HCN1: variants seen among roughly 807,000 people sequenced by gnomAD.
HCN1 encodes the protein hyperpolarization activated cyclic nucleotide gated potassium channel 1.
In HCN1, 13 loss-of-function variants were observed where a neutral mutation model predicts 78.9. The ratio of observed to expected loss-of-function variants is 0.16; its 90% confidence interval spans 0.11 to 0.26. HCN1 has a LOEUF of 0.26. Ranked by LOEUF, HCN1 falls within the 10% of genes least tolerant of loss-of-function variation. The pLI, the probability that HCN1 is intolerant of heterozygous loss-of-function variation, is 1.00. For missense variants in HCN1, 810 were observed against 1,154.3 expected (o/e 0.70, Z 4.32); for synonymous variants, 552 against 455.5 (o/e 1.21, Z -2.70).
rs1286170621 is a variant in HCN1 at position 45,384,250 on chromosome 5, C to T, written c.1230+12242G>A. On this transcript the variant is annotated intron_variant, in intron 4 of 7. Coordinates refer to ENST00000303230, the MANE Select transcript of HCN1 (RefSeq NM_021072.4). ...CATTTCCTTTCAAGTAGATAAAAGCCTTGTGATAGATGAATGTAATAAGAT... is the reference window on the plus strand; with the variant it reads ...CATTTCCTTTCAAGTAGATAAAAGCTTTGTGATAGATGAATGTAATAAGAT... Among the ~76,000 whole-genome samples the T allele has an allele frequency of 2.6e-5, 4 of 152,002 alleles. No individual in the cohort carries two copies. The East Asian group carries it at 5.8e-4, about 22-fold the overall frequency.
intron 2 of HCN1, among the ~76,000 whole-genome samples, chr5:45,468,685 A>T (rs891034164): frequency 6.6e-6 from 1 of 152,080 alleles, no homozygotes; most frequent in Non-Finnish European, 1.5e-5. Context: ...GTCTGAGAAT[A>T]ATCAGAGATA....
intron 5 of HCN1, among the ~76,000 whole-genome samples, chr5:45,316,043 G>C (rs2111926313): frequency 6.6e-6 from 1 of 152,274 alleles, no homozygotes; most frequent in East Asian, 1.9e-4. Flanking sequence ...GATAAAGAGG[G>C]AATCCTACCT....
intron 1 of HCN1, among the ~76,000 whole-genome samples, chr5:45,658,709 T>C (rs1257536367): frequency 2.0e-5 from 3 of 151,440 alleles, no homozygotes; most frequent in Admixed American, 6.6e-5. Context: ...ACCTGGAAAA[T>C]CGGGTCACTC....
chr5:45,497,783 G>A (rs1742078644), intron 2 of HCN1, among the ~76,000 whole-genome samples: 1 of 152,134 alleles, frequency 6.6e-6, no homozygotes, highest in Non-Finnish European at 1.5e-5. Flanking sequence ...CAGGCCTGGT[G>A]GTGACAAAAT....
At chr5:45,504,275 G>A (rs1381680542) in intron 2 of HCN1, among the ~76,000 whole-genome samples, 25 of 151,870 alleles carry the variant, frequency 1.6e-4, no homozygotes, top group Admixed American at 3.9e-4. Context: ...AACAGGCCCC[G>A]GTGTGTGATG....
chr5:45,596,346 A>G (rs1358911863), intron 2 of HCN1, among the ~76,000 whole-genome samples: 1 of 152,228 alleles, frequency 6.6e-6, no homozygotes, highest in Non-Finnish European at 1.5e-5. Context: ...CACATAGTAG[A>G]TAATTAAAAA....
intron 3 of HCN1, among the ~76,000 whole-genome samples, chr5:45,459,528 C>T (rs913583420): frequency 2.6e-5 from 4 of 151,668 alleles, no homozygotes; most frequent in African/African-American, 9.7e-5. Flanking sequence ...ACACACACCA[C>T]AAACACACAC....
intron 4 of HCN1, among the ~76,000 whole-genome samples, chr5:45,372,748 C>G (rs985631193): frequency 7.1e-6 from 1 of 140,986 alleles, no homozygotes; most frequent in African/African-American, 2.6e-5. Context: ...AAAATATATA[C>G]GTATTCTATA....
intron 2 of HCN1, among the ~76,000 whole-genome samples, chr5:45,633,527 T>C (rs1238234708): frequency 2.0e-5 from 3 of 151,990 alleles, no homozygotes; most frequent in Non-Finnish European, 4.4e-5. Context: ...TATTCAATAA[T>C]TCACAATACA....
At chr5:45,633,487 T>G (rs189034017) in intron 2 of HCN1, among the ~76,000 whole-genome samples, 1 of 152,094 alleles carries the variant, frequency 6.6e-6, no homozygotes, top group Admixed American at 6.6e-5. Context: ...GGAGCCAAAA[T>G]GTGGCTTTAG....
At chr5:45,670,614 T>A (rs1268403451) in intron 1 of HCN1, among the ~76,000 whole-genome samples, 1 of 151,722 alleles carries the variant, frequency 6.6e-6, no homozygotes, top group Non-Finnish European at 1.5e-5. Context: ...TCTAACGAAG[T>A]CTCAATTTAC....
chr5:45,379,572 T>C (rs1277523862), intron 4 of HCN1, among the ~76,000 whole-genome samples: 1 of 152,120 alleles, frequency 6.6e-6, no homozygotes, highest in Non-Finnish European at 1.5e-5. Flanking sequence ...AGACACAAGA[T>C]ACTTCCTTAT....
At chr5:45,492,451 A>C (rs907592013) in intron 2 of HCN1, among the ~76,000 whole-genome samples, 2 of 141,752 alleles carry the variant, frequency 1.4e-5, no homozygotes, top group African/African-American at 2.6e-5. Context: ...TTCTTTTCTT[A>C]TCCATGCTCG....
intron 5 of HCN1, among the ~76,000 whole-genome samples, chr5:45,343,411 T>TA (rs906160542): frequency 6.6e-6 from 1 of 152,104 alleles, no homozygotes; most frequent in African/African-American, 2.4e-5. Flanking sequence ...ACAGTGAAAA[T>TA]AGTCTATGTG....
intron 2 of HCN1, among the ~76,000 whole-genome samples, chr5:45,522,005 T>C (rs934138882): frequency 2.6e-5 from 4 of 152,012 alleles, no homozygotes; most frequent in South Asian, 2.1e-4. Flanking sequence ...TAAATCGTTC[T>C]TAAATTTTAA....
intron 5 of HCN1, among the ~76,000 whole-genome samples, chr5:45,305,707 G>A (rs906417533): frequency 2.0e-5 from 3 of 151,328 alleles, no homozygotes; most frequent in African/African-American, 4.9e-5. Flanking sequence ...AGGGAGGAAG[G>A]GAGGGAGCAG....
rs988186023 is a variant in HCN1, at chr5:45,281,122, T to C, written c.1619-13869A>G. ...AGTTTGATTCGGTTGGAGGTTTTTG[T>C]TAGTATGTTGATATGGTTTGGCTCT... On this transcript the variant is annotated intron_variant, in intron 6 of 7. Transcript: ENST00000303230. Among the ~76,000 whole-genome samples the C allele has an allele frequency of 3.3e-5, 5 of 152,124 alleles. No homozygotes were observed. The East Asian group carries it at 5.8e-4, about 18-fold the overall frequency.
intron 2 of HCN1, among the ~76,000 whole-genome samples, chr5:45,509,459 C>T (rs568936834): frequency 1.3e-5 from 2 of 152,236 alleles, no homozygotes; most frequent in Admixed American, 6.5e-5. Flanking sequence ...ACATTCTAAG[C>T]CTGCATGCTG....
At position 45,316,081 on chromosome 5, in the gene HCN1, C is replaced by T. The variant is rs551791658; in HGVS notation, c.1378-12242G>A. 9.9e-5 allele frequency among the ~76,000 whole-genome samples: 15 copies of T among 152,240 alleles called. No individual in the cohort carries two copies. The East Asian group carries it at 1.5e-3, about 16-fold the overall frequency. On this transcript the variant is annotated intron_variant, in intron 5 of 7. Transcript: ENST00000303230. ...CTCATTTTATGAGGCCAGCATCATC[C>T]TGATACCAAAGTCTGGCAGAGACAC...
Sources: allele counts gnomAD v4.1 joint callset (sites outside exome capture counted in the v4.1 genomes callset), GRCh38; gene constraint gnomAD v4.1.1; transcripts MANE v1.5; gene names NCBI Gene and HGNC (gene_info 2026-07-23, HGNC 2026-07-21).